The following DTNB variants were observed in gnomAD, a reference collection of about 807,000 sequenced individuals.
DTNB encodes the protein DTN-B.
DTNB carries 63 observed loss-of-function variants against 90.7 expected under a neutral mutation model. The ratio of observed to expected loss-of-function variants is 0.69; its 90% CI spans 0.57 to 0.86. The LOEUF (loss-of-function observed/expected upper bound fraction) is 0.86. Ranked by LOEUF, DTNB falls within the 40% of genes least tolerant of loss-of-function variation. DTNB has a pLI of 0.00. For synonymous variants in DTNB, 277 were observed against 286.7 expected, an observed-to-expected ratio of 0.97 and a Z score of 0.34; for missense variants, 744 against 807.1, an observed-to-expected ratio of 0.92 and a Z score of 0.95.
rs770240065 is a variant in DTNB at position 25,639,013 on chromosome 2, C to T, written c.148+1G>A. ...CACAGAAATGAGTAGAAATGACTCA[C>T]GGTTGCATCGTTTTTGTACAAATCG... On this transcript the variant is annotated splice_donor_variant, in intron 3 of 20. Transcript: ENST00000406818. LOFTEE classifies it high-confidence loss of function. The T allele has an allele frequency of 6.3e-6, 10 of 1,580,212 alleles. No individual in the cohort carries two copies. The highest frequency in any genetic ancestry group is 2.3e-5 in the East Asian group (1 of 44,272).
At chr2:25,607,036 TAAC>T (rs2067257625) in intron 5 of DTNB, among the ~76,000 whole-genome samples, 197 bp downstream of exon 5, 1 of 152,172 alleles carries the variant, frequency 6.6e-6, no homozygotes, top group Admixed American at 6.5e-5. Flanking sequence ...TAAAAAGGAC[TAAC>T]AATAAATTAA....
intron 9 of DTNB, among the ~76,000 whole-genome samples, chr2:25,514,434 T>C (rs1575273600): frequency 6.6e-6 from 1 of 152,120 alleles, no homozygotes; most frequent in East Asian, 1.9e-4. Context: ...TGTAGACCAT[T>C]GTATAGACTT....
At chr2:25,547,568 C>A (rs1194001497) in intron 8 of DTNB, among the ~76,000 whole-genome samples, 3 of 152,138 alleles carry the variant, frequency 2.0e-5, no homozygotes, top group African/African-American at 7.2e-5. Context: ...AGCTGATCCA[C>A]CCGCCTTGGC....
At chr2:25,518,668 T>G (rs1002107841) in intron 9 of DTNB, among the ~76,000 whole-genome samples, 1 of 152,292 alleles carries the variant, frequency 6.6e-6, no homozygotes, top group Admixed American at 6.5e-5. Context: ...TTTCTAGGAC[T>G]GTCTTAGATG....
intron 16 of DTNB, among the ~76,000 whole-genome samples, chr2:25,392,042 C>A (rs1189707499): frequency 6.6e-6 from 1 of 152,066 alleles, no homozygotes; most frequent in Non-Finnish European, 1.5e-5. Context: ...CCAAACCCAG[C>A]AGAAGAGAAA....
chr2:25,495,422 T>C (rs2068606935), intron 9 of DTNB, among the ~76,000 whole-genome samples: 1 of 152,208 alleles, frequency 6.6e-6, no homozygotes, highest in Admixed American at 6.5e-5. Flanking sequence ...TAGAGACCTA[T>C]TCGTGGACCC....
intron 14 of DTNB, among the ~76,000 whole-genome samples, chr2:25,428,471 C>T (rs1219881246): frequency 4.0e-5 from 6 of 148,572 alleles, no homozygotes; most frequent in East Asian, 2.0e-4. Context: ...CTCACTCTGT[C>T]GCCCAGGCTG....
At chr2:25,541,099 G>A (rs1418351239) in intron 8 of DTNB, among the ~76,000 whole-genome samples, 4 of 150,290 alleles carry the variant, frequency 2.7e-5, no homozygotes, top group Non-Finnish European at 4.4e-5. Context: ...TCATGGTATA[G>A]AAAATAATGT....
At chr2:25,414,108 C>T (rs1362518693) in intron 16 of DTNB, among the ~76,000 whole-genome samples, 2 of 152,178 alleles carry the variant, frequency 1.3e-5, no homozygotes, top group African/African-American at 4.8e-5. Flanking sequence ...AGATCCTTTG[C>T]CCACTTTTTG....
chr2:25,460,510 C>A (rs544814904), intron 10 of DTNB, among the ~76,000 whole-genome samples: 1 of 151,982 alleles, frequency 6.6e-6, no homozygotes, highest in Non-Finnish European at 1.5e-5. Context: ...CACTACCATT[C>A]GGATTTCAAA....
chr2:25,396,731 TAAAAAAAAAAAAAA>T (rs35592591), intron 16 of DTNB, among the ~76,000 whole-genome samples: 5 of 87,632 alleles, frequency 5.7e-5, no homozygotes, highest in Non-Finnish European at 1.1e-4. Flanking sequence ...TAAAAGGAAC[TAAAAAAAAAAAAAA>T]AAAAAAAAAG....
intron 9 of DTNB, among the ~76,000 whole-genome samples, chr2:25,526,077 G>A (rs1253515653): frequency 6.6e-6 from 1 of 152,034 alleles, no homozygotes; most frequent in Non-Finnish European, 1.5e-5. Flanking sequence ...GTGGAGGCAG[G>A]GGTATGGAGC....
At chr2:25,574,808 C>A (rs895089553) in intron 8 of DTNB, among the ~76,000 whole-genome samples, 5 of 152,096 alleles carry the variant, frequency 3.3e-5, no homozygotes, top group African/African-American at 9.7e-5. Context: ...AAATTTAAGT[C>A]TCTTTAACAA....
intron 9 of DTNB, among the ~76,000 whole-genome samples, chr2:25,503,785 C>T (rs1348116067): frequency 2.0e-5 from 3 of 151,728 alleles, no homozygotes; most frequent in Admixed American, 1.3e-4. Context: ...GGCGTGGTGG[C>T]GGGCACCTGT....
chr2:25,656,665 G>C (rs1012364513), intron 1 of DTNB, among the ~76,000 whole-genome samples: 4 of 152,084 alleles, frequency 2.6e-5, no homozygotes, highest in Admixed American at 2.6e-4. Flanking sequence ...CTATGACCTT[G>C]TGATCTCAGA....
At chr2:25,421,634 G>A (rs1410121121) in intron 15 of DTNB, among the ~76,000 whole-genome samples, 3 of 152,214 alleles carry the variant, frequency 2.0e-5, no homozygotes, top group Admixed American at 6.5e-5. Flanking sequence ...GCGATGGTTG[G>A]GGAGGGATGG....
rs2050974893 is a variant in DTNB, at chr2:25,424,814, C to G, written c.1554+2721G>C. 6.6e-6 allele frequency among the ~76,000 whole-genome samples: 1 copy of G among 152,004 alleles called. No homozygotes were observed. Among genetic ancestry groups the G allele is most frequent in the African/African-American group, 2.4e-5 (1 of 41,380 alleles). ...TCCTGAGTAGCTGGGATTATAGGCA[C>G]GTGCCACCGTGCCCGGCTAATTTTT... On this transcript the variant is annotated intron_variant, in intron 15 of 20. Coordinates refer to ENST00000406818, the MANE Select transcript of DTNB (RefSeq NM_021907.5). This position sits in a 1 kb window ranked among gnomAD's most constrained non-coding sequence, Gnocchi z 4.1.
chr2:25,509,952 T>G (rs1281378134), intron 9 of DTNB, among the ~76,000 whole-genome samples: 1 of 151,980 alleles, frequency 6.6e-6, no homozygotes. Context: ...GGCTTCACCA[T>G]GTTGGCCAGC....
chr2:25,509,746 CT>C (rs36101268), intron 9 of DTNB, among the ~76,000 whole-genome samples: 2,739 of 83,624 alleles, frequency 0.033, 37 homozygotes, highest in African/African-American at 0.11. Flanking sequence ...CTTTTAGATT[CT>C]TTTTTTTTTT....
Sources: allele counts gnomAD v4.1 joint callset (sites outside exome capture counted in the v4.1 genomes callset), GRCh38; gene constraint gnomAD v4.1.1; non-coding constraint Gnocchi (gnomAD v3.1); transcripts MANE v1.5; gene names NCBI Gene and HGNC (gene_info 2026-07-23, HGNC 2026-07-21).